NFIB: variants seen among roughly 807,000 people sequenced by gnomAD.
The protein encoded by NFIB is nuclear factor I B, also known as nuclear factor 1 B-type.
Under a neutral mutation model 61.5 loss-of-function variants are expected in NFIB, and 11 were observed. The observed-to-expected ratio is 0.18, with a 90% CI of 0.11 to 0.30. The LOEUF is 0.30. NFIB is among the 10% of genes least tolerant of loss of function. NFIB has a pLI of 1.00. For synonymous variants in NFIB, 260 were observed against 216.5 expected (o/e 1.20, Z -1.76); for missense variants, 471 against 608.9 (o/e 0.77, Z 2.38).
chr9:14,506,309 C>T, the NFIB span, among the ~76,000 whole-genome samples: 79 of 152,206 alleles, frequency 5.2e-4, no homozygotes, highest in African/African-American at 1.9e-3. Context: ...CATGGACCTG[C>T]CACCCATGAG....
At chr9:14,327,513 C>A (rs1482691721) in intron 1 of NFIB, among the ~76,000 whole-genome samples, 1 of 152,160 alleles carries the variant, frequency 6.6e-6, no homozygotes, top group Non-Finnish European at 1.5e-5. Flanking sequence ...GGACCTTGGG[C>A]TGGGTGCTGC....
the NFIB span, among the ~76,000 whole-genome samples, chr9:14,411,194 C>T: frequency 1.3e-5 from 2 of 152,154 alleles, no homozygotes; most frequent in African/African-American, 4.8e-5. Context: ...CACTTCTTTT[C>T]CCACAAAGAC....
intron 5 of NFIB, among the ~76,000 whole-genome samples, chr9:14,147,471 T>A (rs1227431544): frequency 6.6e-6 from 1 of 152,006 alleles, no homozygotes; most frequent in African/African-American, 2.4e-5. Flanking sequence ...TTCTTAGTAA[T>A]AACCCTATCA....
chr9:14,420,617 C>T, the NFIB span, among the ~76,000 whole-genome samples: 1 of 152,076 alleles, frequency 6.6e-6, no homozygotes, highest in Non-Finnish European at 1.5e-5. Context: ...CTCTTCATGG[C>T]TCTAGCCTAC....
intron 1 of NFIB, among the ~76,000 whole-genome samples, chr9:14,341,724 A>G (rs979104998): frequency 1.3e-5 from 2 of 152,194 alleles, no homozygotes; most frequent in Non-Finnish European, 2.9e-5. Flanking sequence ...TCTCCCACCA[A>G]TTGAAGCTGG....
At chr9:14,258,550 T>C (rs567899984) in intron 2 of NFIB, among the ~76,000 whole-genome samples, 2 of 152,370 alleles carry the variant, frequency 1.3e-5, no homozygotes, top group Admixed American at 6.5e-5. Flanking sequence ...TTTCTGCTGC[T>C]GCCAACTTAT....
chr9:14,284,690 A>G (rs925845528), intron 2 of NFIB, among the ~76,000 whole-genome samples: 3 of 152,258 alleles, frequency 2.0e-5, no homozygotes, highest in African/African-American at 7.2e-5. Flanking sequence ...GTGTACATAG[A>G]TATTTTATTT....
At chr9:14,517,997 C>T in the NFIB span, among the ~76,000 whole-genome samples, 1 of 152,242 alleles carries the variant, frequency 6.6e-6, no homozygotes, top group Non-Finnish European at 1.5e-5. Flanking sequence ...TGTCTTCTAA[C>T]TAGATGTAAA....
intron 10 of NFIB, among the ~76,000 whole-genome samples, chr9:14,095,883 A>T (rs2118686357): frequency 6.6e-6 from 1 of 152,310 alleles, no homozygotes; most frequent in South Asian, 2.1e-4. Flanking sequence ...CCTGTGTGTG[A>T]AACAAAGTGA....
intron 1 of NFIB, among the ~76,000 whole-genome samples, chr9:14,364,030 A>T (rs147899391): frequency 6.6e-6 from 1 of 152,202 alleles, no homozygotes; most frequent in African/African-American, 2.4e-5. Context: ...ACTCTTAAAC[A>T]TCTTTGAGCA....
At chr9:14,299,076 G>A (rs1046826899) in intron 2 of NFIB, among the ~76,000 whole-genome samples, 1 of 152,156 alleles carries the variant, frequency 6.6e-6, no homozygotes, top group Non-Finnish European at 1.5e-5. Context: ...CACTAATAGA[G>A]GGGTATAGAC....
chr9:14,166,703 CTCA>C (rs1008854848), intron 3 of NFIB, among the ~76,000 whole-genome samples: 3 of 152,138 alleles, frequency 2.0e-5, no homozygotes, highest in Non-Finnish European at 2.9e-5. Flanking sequence ...TTTCTATTCT[CTCA>C]TCATCAACCC....
chr9:14,192,507 C>T (rs1450363930), intron 2 of NFIB, among the ~76,000 whole-genome samples: 1 of 152,164 alleles, frequency 6.6e-6, no homozygotes, highest in African/African-American at 2.4e-5. Flanking sequence ...AACCACCTTT[C>T]CCAGCTCCAT....
chr9:14,392,523 T>G (rs2061636091), intron 1 of NFIB, among the ~76,000 whole-genome samples: 1 of 151,724 alleles, frequency 6.6e-6, no homozygotes, highest in Non-Finnish European at 1.5e-5. Flanking sequence ...AGCCCAGGAG[T>G]TTGAGACCGA....
At chr9:14,401,838 C>T (rs548583785), upstream of NFIB, among the ~76,000 whole-genome samples, 11 of 152,150 alleles carry the variant, frequency 7.2e-5, 1 homozygote, top group South Asian at 2.1e-3. Context: ...CAGAACAATC[C>T]CTAATGTGCT....
chr9:14,452,344 G>A, the NFIB span, among the ~76,000 whole-genome samples: 1 of 146,802 alleles, frequency 6.8e-6, no homozygotes, highest in East Asian at 2.1e-4. Flanking sequence ...AAAAGAAGGA[G>A]GGAAAGTAGG....
chr9:14,267,569 A>G (rs2057302389), intron 2 of NFIB, among the ~76,000 whole-genome samples: 1 of 152,176 alleles, frequency 6.6e-6, no homozygotes, highest in African/African-American at 2.4e-5. Context: ...AAAGACCCCC[A>G]TACCCCATTT....
the NFIB span, among the ~76,000 whole-genome samples, chr9:14,421,901 A>G: frequency 6.6e-6 from 1 of 152,234 alleles, no homozygotes. Context: ...ATAATTCATG[A>G]GAGCAGAATT....
At chr9:14,320,794 G>A (rs569340569) in intron 1 of NFIB, among the ~76,000 whole-genome samples, 2 of 152,286 alleles carry the variant, frequency 1.3e-5, no homozygotes, top group African/African-American at 4.8e-5. Context: ...TTAAATGTCT[G>A]TTCAAGTGTG....
Sources: allele counts gnomAD v4.1 joint callset (sites outside exome capture counted in the v4.1 genomes callset), GRCh38; gene constraint gnomAD v4.1.1; transcripts MANE v1.5; gene names NCBI Gene and HGNC (gene_info 2026-07-23, HGNC 2026-07-21).